The following TUFT1 variants were observed in gnomAD, a reference collection of about 807,000 sequenced individuals.
The protein encoded by TUFT1 is tuftelin.
A neutral mutation model predicts 57.8 loss-of-function variants in TUFT1; 43 were observed. The ratio of observed to expected loss-of-function variants is 0.74; its 90% CI spans 0.58 to 0.96. The LOEUF (loss-of-function observed/expected upper bound fraction) is 0.96, where lower values mean the gene tolerates loss of function less well. Ranked by LOEUF, TUFT1 falls within the 40% of genes least tolerant of loss-of-function variation. The probability of loss-of-function intolerance (pLI) is 0.00; values close to 1 mark genes in which losing one functional copy is unlikely to be tolerated. For missense variants in TUFT1, 459 were observed against 489.0 expected (o/e 0.94, Z 0.58); for synonymous variants, 166 against 176.7 (o/e 0.94, Z 0.48).
chr1:151,556,390 C>A (rs112799704), intron 1 of TUFT1, among the ~76,000 whole-genome samples: 1 of 150,832 alleles, frequency 6.6e-6, no homozygotes, highest in African/African-American at 2.4e-5. Flanking sequence ...TTCTCCTCCC[C>A]CTCCCCGTCT....
At chr1:151,575,140 C>T in intron 9 of TUFT1, 135 bp downstream of exon 9, 2 of 778,648 alleles carry the variant, frequency 2.6e-6, no homozygotes, top group Non-Finnish European at 4.2e-6. Context: ...AGCTCTGACT[C>T]ACCGTGAGCT....
chr1:151,562,455 C>CTCTCCAAA, intron 2 of TUFT1, 130 bp from the exon 3 acceptor site: 1 of 833,026 alleles, frequency 1.2e-6, no homozygotes, highest in African/African-American at 1.7e-5. Context: ...AGAGGAAAGT[C>CTCTCCAAA]AGACTAATCC....
chr1:151,544,018 T>C (rs1665252625), intron 1 of TUFT1, among the ~76,000 whole-genome samples: 1 of 151,118 alleles, frequency 6.6e-6, no homozygotes, highest in Admixed American at 6.6e-5. Flanking sequence ...GGTCTCACTC[T>C]GTTGCCCAGG....
rs1666655868 is a variant in TUFT1, at chr1:151,581,850, C to A, written c.*143C>A. On this transcript the variant is annotated 3_prime_UTR_variant, in exon 13 of 13. Transcript: ENST00000368849. The stretch of plus-strand genomic sequence containing the variant: ...CTTCGGGCTCCTGTGTCTCACCATT[C>A]CCAAGCCCCTGGCCACTCTAAGCTG... 3 of 824,580 alleles carry A rather than the reference C, an allele frequency of 3.6e-6. No individual in the cohort carries two copies. Among genetic ancestry groups the A allele is most frequent in the African/African-American group, 1.7e-5 (1 of 59,310 alleles). The allele number at this position is 824,580 out of a possible 1,614,324, so 51.1% of individuals were successfully genotyped here.
intron 1 of TUFT1, among the ~76,000 whole-genome samples, chr1:151,550,537 G>T (rs973733345): frequency 6.6e-6 from 1 of 151,798 alleles, no homozygotes; most frequent in Non-Finnish European, 1.5e-5. Context: ...TGGAGACGGG[G>T]TTTCACCATG....
intron 6 of TUFT1, among the ~76,000 whole-genome samples, chr1:151,567,005 A>G (rs1666105819): frequency 6.6e-6 from 1 of 150,866 alleles, no homozygotes. Flanking sequence ...TGCAGCCTCG[A>G]CCCCCGGGGT....
intron 1 of TUFT1, among the ~76,000 whole-genome samples, chr1:151,555,302 C>T (rs1665654196): frequency 2.0e-5 from 3 of 147,274 alleles, no homozygotes; most frequent in South Asian, 4.3e-4. Flanking sequence ...GCATTCCAGC[C>T]TGGGTAACAG....
rs1666194921 is a variant in TUFT1, at chr1:151,569,723, C to T, written c.547C>T (p.Leu183Phe). ...GACGGTGCAGGACTTGCTGGCCAAG[C>T]TTCAGGAGGCCAAGCGGCAACACCA... ...RKTVQDLLAK[L>F]QEAKRQHQSD... The change falls in exon 7 of 13, where the codon CTT becomes TTT. Residue 183 changes from leucine to phenylalanine, a missense_variant. Transcript: ENST00000368849. 1 of 1,613,962 alleles carries T rather than the reference C, an allele frequency of 6.2e-7. No individual in the cohort carries two copies. The highest frequency in any genetic ancestry group is 8.5e-7 in the Non-Finnish European group (1 of 1,179,974).
chr1:151,562,313 T>G (rs1213329496), intron 2 of TUFT1, 148 bp downstream of exon 2: 1 of 729,670 alleles, frequency 1.4e-6, no homozygotes, highest in Non-Finnish European at 2.3e-6. Flanking sequence ...TGCCTCAGCC[T>G]TCTGCACTGC....
chr1:151,545,788 G>C, intron 1 of TUFT1: 1 of 529,566 alleles, frequency 1.9e-6, no homozygotes, highest in South Asian at 1.4e-5. Flanking sequence ...GATAGACCCA[G>C]GGTGAAGACC....
chr1:151,548,957 T>C (rs1406371581), intron 1 of TUFT1, among the ~76,000 whole-genome samples: 3 of 152,106 alleles, frequency 2.0e-5, no homozygotes, highest in Non-Finnish European at 4.4e-5. Flanking sequence ...TATCTCCTTA[T>C]CTCTGCTGTG....
chr1:151,554,606 G>A (rs1464367672), intron 1 of TUFT1, among the ~76,000 whole-genome samples: 1 of 150,732 alleles, frequency 6.6e-6, no homozygotes, highest in Admixed American at 6.6e-5. Flanking sequence ...CAACATGTTG[G>A]CCAGGCTGGT....
chr1:151,551,614 C>T (rs1665512542), intron 1 of TUFT1, among the ~76,000 whole-genome samples: 1 of 152,112 alleles, frequency 6.6e-6, no homozygotes, highest in Non-Finnish European at 1.5e-5. Flanking sequence ...GAGAAAGCAA[C>T]ATGCGCACCT....
At chr1:151,563,205 A>G (rs796880989) in intron 3 of TUFT1, among the ~76,000 whole-genome samples, 1 of 152,264 alleles carries the variant, frequency 6.6e-6, no homozygotes, top group African/African-American at 2.4e-5. Context: ...ATTTTTTAAA[A>G]AATAAAATGA....
chr1:151,561,302 T>TA (rs1270387900), intron 1 of TUFT1, among the ~76,000 whole-genome samples: 3 of 151,962 alleles, frequency 2.0e-5, no homozygotes, highest in Admixed American at 6.6e-5. Flanking sequence ...CCGGCCTTTT[T>TA]AAAAAAATCT....
chr1:151,580,874 C>T, intron 11 of TUFT1, 68 bp from the exon 12 acceptor site: 2 of 1,372,386 alleles, frequency 1.5e-6, no homozygotes, highest in Non-Finnish European at 2.1e-6. Context: ...GACCAGAATG[C>T]ACTAGCTGAA....
intron 12 of TUFT1, among the ~76,000 whole-genome samples, chr1:151,581,328 A>AT (rs1421634436): frequency 6.6e-6 from 1 of 152,162 alleles, no homozygotes; most frequent in East Asian, 1.9e-4. Flanking sequence ...GGGAGAGGGT[A>AT]TTTTGCCTCT....
At chr1:151,546,429 G>A (rs1462442011) in intron 1 of TUFT1, among the ~76,000 whole-genome samples, 1 of 152,050 alleles carries the variant, frequency 6.6e-6, no homozygotes, top group African/African-American at 2.4e-5. Flanking sequence ...GTGGTTTTTA[G>A]TACATTCACA....
At position 151,540,366 on chromosome 1, in the gene TUFT1, G is replaced by T; in HGVS notation, c.-1G>T. The T allele has an allele frequency of 6.2e-7, 1 of 1,614,170 alleles. No individual in the cohort carries two copies. The highest frequency in any genetic ancestry group is 8.5e-7 in the Non-Finnish European group (1 of 1,179,998). ...CGTGTGTGCTGCGACCCCGAGGGAA[G>T]ATGAACGGGACGCGGAACTGGTGTA... On this transcript the variant is annotated 5_prime_UTR_variant, in exon 1 of 13. Transcript: ENST00000368849.
Sources: gnomAD v4.1 joint callset for allele counts (sites outside exome capture counted in the v4.1 genomes callset) on GRCh38, gnomAD v4.1.1 for gene constraint, MANE v1.5 for transcripts, NCBI Gene and HGNC (gene_info 2026-07-23, HGNC 2026-07-21) for gene names.